The following COG5 variants were observed in gnomAD, a reference collection of about 807,000 sequenced individuals.
COG5 encodes component of oligomeric golgi complex 5.
A neutral mutation model predicts 110.4 loss-of-function variants in COG5; 86 were observed. That is an observed-to-expected ratio of 0.78 (90% CI 0.65 to 0.93). The LOEUF (loss-of-function observed/expected upper bound fraction) is 0.93. Ranked by LOEUF, COG5 falls within the 40% of genes least tolerant of loss-of-function variation. COG5 has a pLI of 0.00. For synonymous variants in COG5, 360 were observed against 334.6 expected (o/e 1.08, Z -0.83); for missense variants, 1,077 against 987.0 (o/e 1.09, Z -1.22).
At chr7:107,206,173 G>T (rs1402956472) in intron 21 of COG5, among the ~76,000 whole-genome samples, 1 of 152,150 alleles carries the variant, frequency 6.6e-6, no homozygotes, top group Non-Finnish European at 1.5e-5. Flanking sequence ...GTGTTGGCCA[G>T]GATGGTCTCG....
chr7:107,312,843 G>A (rs186169496), intron 11 of COG5, among the ~76,000 whole-genome samples: 30 of 150,850 alleles, frequency 2.0e-4, no homozygotes, highest in Admixed American at 7.2e-4. Context: ...AGAGGACCTC[G>A]GCAGAAGAAG....
chr7:107,432,528 A>G (rs1794093841), intron 6 of COG5, among the ~76,000 whole-genome samples: 1 of 152,192 alleles, frequency 6.6e-6, no homozygotes, highest in African/African-American at 2.4e-5. Flanking sequence ...GGAAAATACC[A>G]TAATGCTTAA....
intron 6 of COG5, among the ~76,000 whole-genome samples, chr7:107,419,690 C>A (rs965994995): frequency 3.9e-5 from 6 of 151,966 alleles, no homozygotes; most frequent in Admixed American, 6.6e-5. Flanking sequence ...GTCTCAGCCT[C>A]CTGAGTAGCT....
At chr7:107,305,379 T>C (rs1452241179) in intron 11 of COG5, among the ~76,000 whole-genome samples, 1 of 152,144 alleles carries the variant, frequency 6.6e-6, no homozygotes, top group African/African-American at 2.4e-5. Context: ...TGCCAGGCCT[T>C]CACCTATATC....
chr7:107,497,320 A>G (rs1295589936), intron 6 of COG5, among the ~76,000 whole-genome samples: 1 of 152,240 alleles, frequency 6.6e-6, no homozygotes, highest in African/African-American at 2.4e-5. Flanking sequence ...AGAAAAAGAA[A>G]TAAAAGGCAT....
intron 8 of COG5, among the ~76,000 whole-genome samples, chr7:107,367,123 A>C (rs1235090007): frequency 2.0e-5 from 3 of 152,044 alleles, no homozygotes; most frequent in Non-Finnish European, 4.4e-5. Context: ...GTGGGGGAAG[A>C]AAAACATTAT....
chr7:107,481,029 G>C (rs1457205397), intron 6 of COG5: 1 of 151,980 alleles, frequency 6.6e-6, no homozygotes. Context: ...TGACAGCTTT[G>C]TACTTGCACC....
chr7:107,248,514 G>T lies in COG5; in HGVS notation c.1750-15C>A. 1.4e-6 allele frequency: 2 copies of T among 1,455,592 alleles called. No individual in the cohort carries two copies. The highest frequency in any genetic ancestry group is 9.5e-7 in the Non-Finnish European group (1 of 1,052,814). 90.2% of individuals were successfully genotyped at this position (1,455,592 alleles called of 1,614,324 possible). On this transcript the variant is annotated splice_polypyrimidine_tract_variant and intron_variant, in intron 16 of 21. Coordinates refer to ENST00000297135, the MANE Select transcript of COG5 (RefSeq NM_006348.5). ...GCATGAATAGCCTAAAAAAAAAAAA[G>T]AAAGAAAAAAAAGAAGAGGCAAGAT...
intron 7 of COG5, among the ~76,000 whole-genome samples, chr7:107,402,442 T>G (rs919550351): frequency 3.9e-5 from 6 of 152,304 alleles, no homozygotes; most frequent in Non-Finnish European, 8.8e-5. Flanking sequence ...CTGGGAAAGC[T>G]TCTAATTCAC....
intron 10 of COG5, among the ~76,000 whole-genome samples, chr7:107,345,141 A>G (rs1811487976): frequency 6.6e-6 from 1 of 152,190 alleles, no homozygotes. Flanking sequence ...GAGAATGGCC[A>G]GTTGGTGGAG....
At chr7:107,323,473 G>A (rs1809485399) in intron 11 of COG5, among the ~76,000 whole-genome samples, 1 of 152,192 alleles carries the variant, frequency 6.6e-6, no homozygotes, top group Admixed American at 6.5e-5. Context: ...AGAGGCAGCA[G>A]TGAGCCGAGA....
intron 16 of COG5, among the ~76,000 whole-genome samples, chr7:107,251,963 T>C (rs1188460277): frequency 6.6e-6 from 1 of 152,078 alleles, no homozygotes; most frequent in Non-Finnish European, 1.5e-5. Flanking sequence ...GCTAAACTCC[T>C]AGCTAGATTG....
chr7:107,314,678 G>A (rs1328856151), intron 11 of COG5, among the ~76,000 whole-genome samples: 1 of 151,966 alleles, frequency 6.6e-6, no homozygotes, highest in Non-Finnish European at 1.5e-5. Context: ...GAACCCAGGA[G>A]GCAGAGGTTG....
chr7:107,353,362 T>C (rs1812333469), intron 10 of COG5, among the ~76,000 whole-genome samples: 1 of 141,760 alleles, frequency 7.1e-6, no homozygotes, highest in Non-Finnish European at 1.6e-5. Flanking sequence ...GAGGCGGAGC[T>C]TGCAGTGAGC....
intron 6 of COG5, among the ~76,000 whole-genome samples, chr7:107,517,430 T>C (rs974769284): frequency 1.3e-5 from 2 of 152,152 alleles, no homozygotes; most frequent in Non-Finnish European, 2.9e-5. Context: ...CTTCAGGATA[T>C]TATCCAGGAG....
intron 11 of COG5, among the ~76,000 whole-genome samples, chr7:107,310,873 C>A (rs1410621093): frequency 6.6e-6 from 1 of 151,908 alleles, no homozygotes; most frequent in African/African-American, 2.4e-5. Context: ...CAAAGATGCT[C>A]TACATTTCAT....
chr7:107,556,029 AAAG>A (rs1193439207), intron 2 of COG5, among the ~76,000 whole-genome samples: 1 of 152,066 alleles, frequency 6.6e-6, no homozygotes, highest in Non-Finnish European at 1.5e-5. Flanking sequence ...AAAAAAAAAA[AAAG>A]GAGAGAGGAA....
At chr7:107,546,290 A>C (rs972576825) in intron 5 of COG5, among the ~76,000 whole-genome samples, 7 of 152,190 alleles carry the variant, frequency 4.6e-5, no homozygotes, top group African/African-American at 1.7e-4. Context: ...ACCTAGTATT[A>C]AACCTCAAGA....
At chr7:107,359,409 T>C (rs1291809387) in intron 10 of COG5, among the ~76,000 whole-genome samples, 1 of 152,038 alleles carries the variant, frequency 6.6e-6, no homozygotes, top group Non-Finnish European at 1.5e-5. Flanking sequence ...GGCAGCTCAG[T>C]GAGGGCCTGC....
Sources: allele counts gnomAD v4.1 joint callset (sites outside exome capture counted in the v4.1 genomes callset), GRCh38; gene constraint gnomAD v4.1.1; transcripts MANE v1.5; gene names NCBI Gene and HGNC (gene_info 2026-07-23, HGNC 2026-07-21).